KCNH7: variants seen among roughly 807,000 people sequenced by gnomAD.
KCNH7 encodes potassium voltage-gated channel subfamily H member 7, also known as voltage-gated inwardly rectifying potassium channel KCNH7.
Under a neutral mutation model 120.8 loss-of-function variants are expected in KCNH7, and 49 were observed. The ratio of observed to expected loss-of-function variants is 0.41; its 90% CI spans 0.32 to 0.51. The LOEUF (loss-of-function observed/expected upper bound fraction) is 0.51. Among genes scored for constraint, KCNH7 ranks in the 20% least tolerant of loss-of-function variants. KCNH7 has a pLI of 0.38. For synonymous variants in KCNH7, 547 were observed against 516.1 expected (o/e 1.06, Z -0.81); for missense variants, 1,097 against 1,446.6 (o/e 0.76, Z 3.92).
chr2:162,586,911 A>G (rs1694039370), intron 2 of KCNH7, among the ~76,000 whole-genome samples: 1 of 152,078 alleles, frequency 6.6e-6, no homozygotes, highest in East Asian at 1.9e-4. Flanking sequence ...TATCATCGTC[A>G]TGACCAAAAT....
At chr2:162,546,262 C>T (rs980199540) in intron 2 of KCNH7, among the ~76,000 whole-genome samples, 11 of 151,946 alleles carry the variant, frequency 7.2e-5, no homozygotes, top group Admixed American at 2.0e-4. Flanking sequence ...CAAACCAAGT[C>T]TACATTTATG....
In KCNH7 at chr2:162,406,793, G is replaced by A. The variant is rs555134551; in HGVS notation, c.2155-6352C>T. Reference sequence around the variant, plus strand: ...TGTAAGATACTAAACCCTGCTTTTTGTTGTTTGTAAAAGCTAACGTCCCAA... The same window carrying A: ...TGTAAGATACTAAACCCTGCTTTTTATTGTTTGTAAAAGCTAACGTCCCAA... On this transcript the variant is annotated intron_variant, in intron 9 of 15. Coordinates refer to ENST00000332142, the MANE Select transcript of KCNH7 (RefSeq NM_033272.4). Among the ~76,000 whole-genome samples, 151 of 151,958 alleles carry A rather than the reference G, an allele frequency of 9.9e-4. 1 individual carries two copies. The highest frequency in any genetic ancestry group is 3.7e-3 in the South Asian group (18 of 4,822).
intron 14 of KCNH7, among the ~76,000 whole-genome samples, chr2:162,376,451 T>G (rs1351480855): frequency 6.6e-6 from 1 of 151,430 alleles, no homozygotes; most frequent in African/African-American, 2.4e-5. Flanking sequence ...CTGCAACCTC[T>G]TTCTCCCGGG....
intron 2 of KCNH7, among the ~76,000 whole-genome samples, chr2:162,762,049 G>A (rs1431658846): frequency 2.0e-5 from 3 of 151,980 alleles, no homozygotes; most frequent in Non-Finnish European, 2.9e-5. Flanking sequence ...AACATTCAGC[G>A]TTGCTCTCTT....
intron 2 of KCNH7, among the ~76,000 whole-genome samples, chr2:162,557,162 C>T (rs188528023): frequency 2.3e-4 from 35 of 152,258 alleles, no homozygotes; most frequent in East Asian, 1.5e-3. Flanking sequence ...AGGCTGACTT[C>T]GGAAATTCAA....
At chr2:162,640,063 G>A (rs879165532) in intron 2 of KCNH7, among the ~76,000 whole-genome samples, 3 of 152,238 alleles carry the variant, frequency 2.0e-5, no homozygotes, top group Admixed American at 1.3e-4. Flanking sequence ...TTAAATAAAT[G>A]TAGTGACAAA....
chr2:162,484,248 C>G (rs1485977), intron 6 of KCNH7, among the ~76,000 whole-genome samples: 5,705 of 148,894 alleles, frequency 0.038, 298 homozygotes, highest in East Asian at 0.27. Flanking sequence ...CACACACACA[C>G]AGAGAGACAC....
At chr2:162,442,079 C>T (rs777435329) in intron 7 of KCNH7, among the ~76,000 whole-genome samples, 1 of 116,696 alleles carries the variant, frequency 8.6e-6, no homozygotes, top group African/African-American at 3.1e-5. Flanking sequence ...TGCAGTGGTG[C>T]GATCTCTGCT....
intron 2 of KCNH7, among the ~76,000 whole-genome samples, chr2:162,587,564 C>A (rs181471363): frequency 6.6e-6 from 1 of 151,950 alleles, no homozygotes; most frequent in East Asian, 1.9e-4. Context: ...AGAAAAAACA[C>A]GTTTATATTT....
chr2:162,493,369 TA>T (rs375978056), intron 6 of KCNH7, among the ~76,000 whole-genome samples: 31 of 152,302 alleles, frequency 2.0e-4, no homozygotes, highest in African/African-American at 7.2e-4. Context: ...GAAGGAAAAA[TA>T]AAAGCTATAA....
intron 2 of KCNH7, among the ~76,000 whole-genome samples, chr2:162,640,189 A>G (rs971390039): frequency 2.0e-5 from 3 of 152,212 alleles, no homozygotes; most frequent in African/African-American, 7.2e-5. Context: ...ATGTAGACAT[A>G]GACAATATTG....
intron 5 of KCNH7, among the ~76,000 whole-genome samples, chr2:162,510,961 C>G (rs1011862163): frequency 2.0e-5 from 3 of 151,696 alleles, no homozygotes; most frequent in Admixed American, 2.0e-4. Context: ...GATATAACTT[C>G]TTAAGTATTA....
chr2:162,537,862 A>C (rs894249524), intron 2 of KCNH7, among the ~76,000 whole-genome samples: 6 of 152,110 alleles, frequency 3.9e-5, no homozygotes, highest in Non-Finnish European at 8.8e-5. Flanking sequence ...AGAAACCCAC[A>C]GGTCCAAGAT....
intron 5 of KCNH7, among the ~76,000 whole-genome samples, chr2:162,506,597 A>C (rs2105758840): frequency 6.6e-6 from 1 of 151,914 alleles, no homozygotes; most frequent in East Asian, 1.9e-4. Context: ...CAAAGCCCTT[A>C]AGCTCATCTT....
chr2:162,431,891 G>A (rs1292380918), intron 8 of KCNH7, among the ~76,000 whole-genome samples: 2 of 151,980 alleles, frequency 1.3e-5, no homozygotes, highest in African/African-American at 4.8e-5. Context: ...AGGGAATGGA[G>A]ATCAGGTGTA....
chr2:162,447,761 T>C (rs1688633018), intron 6 of KCNH7, among the ~76,000 whole-genome samples: 1 of 152,102 alleles, frequency 6.6e-6, no homozygotes, highest in Admixed American at 6.6e-5. Context: ...AATTTAAATC[T>C]TATATTTATT....
intron 2 of KCNH7, among the ~76,000 whole-genome samples, chr2:162,759,526 G>A (rs988588230): frequency 6.6e-6 from 1 of 151,970 alleles, no homozygotes. Flanking sequence ...AAGTCCTGGG[G>A]TCTCTACAAC....
At chr2:162,672,971 C>T (rs1685409699) in intron 2 of KCNH7, among the ~76,000 whole-genome samples, 1 of 151,828 alleles carries the variant, frequency 6.6e-6, no homozygotes, top group Non-Finnish European at 1.5e-5. Context: ...GGACTAATTC[C>T]TAGTAAAATG....
chr2:162,723,212 G>A (rs957208095), intron 2 of KCNH7, among the ~76,000 whole-genome samples: 4 of 151,448 alleles, frequency 2.6e-5, no homozygotes, highest in Non-Finnish European at 5.9e-5. Context: ...TCTCTATATT[G>A]TTACATGCAT....
Sources: allele counts gnomAD v4.1 joint callset (sites outside exome capture counted in the v4.1 genomes callset), GRCh38; gene constraint gnomAD v4.1.1; transcripts MANE v1.5; gene names NCBI Gene and HGNC (gene_info 2026-07-23, HGNC 2026-07-21).